AKR1C8: variants seen among roughly 807,000 people sequenced by gnomAD.
AKR1C8 encodes aldo-keto reductase family 1 member C-like protein 1.
At chr10:5,150,213 T>C in the AKR1C8 span, among the ~76,000 whole-genome samples, 1 of 152,120 alleles carries the variant, frequency 6.6e-6, no homozygotes. Flanking sequence ...GACTCCTTTC[T>C]GCAAGTGTAT....
chr10:5,128,805 C>A, the AKR1C8 span, among the ~76,000 whole-genome samples: 1 of 152,004 alleles, frequency 6.6e-6, no homozygotes, highest in South Asian at 2.1e-4. Context: ...TACTAGCAGA[C>A]TTAAGAAATG....
the AKR1C8 span, among the ~76,000 whole-genome samples, chr10:5,136,110 TC>T: frequency 1.3e-5 from 2 of 152,184 alleles, no homozygotes. Context: ...AAGGTAATGT[TC>T]CAAAAAACTG....
At chr10:5,169,059 A>C in the AKR1C8 span, among the ~76,000 whole-genome samples, 1 of 152,138 alleles carries the variant, frequency 6.6e-6, no homozygotes, top group Admixed American at 6.6e-5. Flanking sequence ...TCAGACAAGC[A>C]CTGACATCAA....
chr10:5,169,152 G>A, the AKR1C8 span, among the ~76,000 whole-genome samples: 1 of 152,164 alleles, frequency 6.6e-6, no homozygotes, highest in East Asian at 1.9e-4. Flanking sequence ...GTGTTTTACT[G>A]TCTGCTCTTT....
At chr10:5,163,265 C>A in the AKR1C8 span, among the ~76,000 whole-genome samples, 1 of 152,170 alleles carries the variant, frequency 6.6e-6, no homozygotes, top group Non-Finnish European at 1.5e-5. Context: ...CATTCCATAT[C>A]AATCAACTGT....
the AKR1C8 span, among the ~76,000 whole-genome samples, chr10:5,120,601 T>C: frequency 1.3e-5 from 2 of 152,136 alleles, no homozygotes; most frequent in African/African-American, 2.4e-5. Context: ...GTCACAGAGA[T>C]GAGTAAGACA....
chr10:5,173,734 C>A, the AKR1C8 span, among the ~76,000 whole-genome samples: 1 of 151,826 alleles, frequency 6.6e-6, no homozygotes, highest in African/African-American at 2.4e-5. Flanking sequence ...TTTATATTCT[C>A]TGTAAAATTT....
chr10:5,159,032 G>GA, the AKR1C8 span, among the ~76,000 whole-genome samples: 1 of 152,126 alleles, frequency 6.6e-6, no homozygotes, highest in African/African-American at 2.4e-5. Context: ...TTCTGAGTGT[G>GA]AAAGTTTCCA....
At chr10:5,144,614 G>T in the AKR1C8 span, among the ~76,000 whole-genome samples, 1 of 151,796 alleles carries the variant, frequency 6.6e-6, no homozygotes, top group Non-Finnish European at 1.5e-5. Context: ...GGATTCCTAG[G>T]TATTTTATTC....
chr10:5,146,391 G>C, the AKR1C8 span, among the ~76,000 whole-genome samples: 1 of 152,008 alleles, frequency 6.6e-6, no homozygotes, highest in Non-Finnish European at 1.5e-5. Context: ...AATGTTGCTT[G>C]GTTGTAACTA....
At chr10:5,167,150 A>T in the AKR1C8 span, among the ~76,000 whole-genome samples, 1 of 152,164 alleles carries the variant, frequency 6.6e-6, no homozygotes, top group Admixed American at 6.5e-5. Context: ...GCTGGAGAGG[A>T]TGTGGAGAAA....
chr10:5,148,262 C>A, the AKR1C8 span, among the ~76,000 whole-genome samples: 37 of 151,252 alleles, frequency 2.4e-4, no homozygotes, highest in Admixed American at 2.4e-3. Context: ...AGGGGAGAAG[C>A]AGGGAAGGAG....
At chr10:5,128,272 C>T in the AKR1C8 span, among the ~76,000 whole-genome samples, 3 of 152,062 alleles carry the variant, frequency 2.0e-5, no homozygotes, top group African/African-American at 4.8e-5. Context: ...ACAAGGCATG[C>T]TATAAGGAGT....
At chr10:5,128,704 A>G in the AKR1C8 span, among the ~76,000 whole-genome samples, 1 of 152,116 alleles carries the variant, frequency 6.6e-6, no homozygotes, top group Non-Finnish European at 1.5e-5. Context: ...AAATAATTAT[A>G]TAATGATAAA....
the AKR1C8 span, among the ~76,000 whole-genome samples, chr10:5,181,882 CTT>C: frequency 6.6e-6 from 1 of 152,112 alleles, no homozygotes. Context: ...AACTATAAGA[CTT>C]TAACAAACAC....
chr10:5,154,329 G>C, the AKR1C8 span: 2 of 284,834 alleles, frequency 7.0e-6, no homozygotes, highest in South Asian at 7.8e-5. Context: ...ATCTATGGAG[G>C]GGATGAGATG....
At chr10:5,117,137 T>C in the AKR1C8 span, among the ~76,000 whole-genome samples, 1 of 152,240 alleles carries the variant, frequency 6.6e-6, no homozygotes, top group South Asian at 2.1e-4. Flanking sequence ...GAGCTTTTTT[T>C]TTTTTTTAAA....
chr10:5,181,408 T>C, the AKR1C8 span, among the ~76,000 whole-genome samples: 2 of 152,332 alleles, frequency 1.3e-5, no homozygotes, highest in Admixed American at 1.3e-4. Flanking sequence ...AACAAATGAC[T>C]TATGGTAATC....
the AKR1C8 span, among the ~76,000 whole-genome samples, chr10:5,156,888 G>C: frequency 6.6e-6 from 1 of 152,112 alleles, no homozygotes; most frequent in Non-Finnish European, 1.5e-5. Context: ...ATTTTAAAAT[G>C]AGAAACAGCT....
Sources: allele counts gnomAD v4.1 joint callset (sites outside exome capture counted in the v4.1 genomes callset), GRCh38; gene constraint gnomAD v4.1.1; transcripts MANE v1.5; gene names NCBI Gene and HGNC (gene_info 2026-07-23, HGNC 2026-07-21).